CD320: variants seen among roughly 807,000 people sequenced by gnomAD.
The protein encoded by CD320 is CD320 antigen.
A neutral mutation model predicts 22.1 loss-of-function variants in CD320; 16 were observed. The ratio of observed to expected loss-of-function variants is 0.73; its 90% CI spans 0.49 to 1.10. CD320 has a LOEUF of 1.10. Ranked by LOEUF, CD320 falls within the 50% of genes least tolerant of loss-of-function variation. The pLI is 0.00. For synonymous variants in CD320, 188 were observed against 167.8 expected (o/e 1.12, Z -0.93); for missense variants, 388 against 376.9 (o/e 1.03, Z -0.24).
Position 8,308,095 on chromosome 19 carries a change from G to T in CD320, c.142+54C>A, listed in dbSNP as rs1409601957. On this transcript the variant is annotated intron_variant, in intron 1 of 4. Transcript: ENST00000301458. ...TGACTAGGCGTTGTCGGTGCGCGGC[G>T]GCGGGGCGAAGCCTCGCGAGGGGTG... is the stretch of plus-strand genomic sequence containing the variant. 6 of 1,414,432 alleles carry T rather than the reference G, an allele frequency of 4.2e-6. No homozygotes were observed. The Admixed American group carries it at 1.2e-4, about 28-fold the overall frequency. The allele number at this position is 1,414,432 out of a possible 1,614,324, so 87.6% of individuals were successfully genotyped here.
chr19:8,302,890 GT>G lies in CD320; in HGVS notation c.592del (p.Thr198ProfsTer6). 1.9e-6 allele frequency: 3 copies of G among 1,614,072 alleles called. No individual in the cohort carries two copies. Among genetic ancestry groups the G allele is most frequent in the Non-Finnish European group, 2.5e-6 (3 of 1,179,954 alleles). On this transcript the variant is annotated frameshift_variant, in exon 4 of 5. Transcript: ENST00000301458. LOFTEE classifies it high-confidence loss of function. ...CTCCAGGGTCACAGGGGGCCCCATG[GT>G]TGTGGCATTCCTGAGAGAGGTGACA... ...ESVTSLRNAT[T>X]MGPPVTLESV...
rs748020753 is a variant in CD320 at position 8,305,097 on chromosome 19, C to A, written c.202G>T (p.Val68Leu). Reference protein sequence around the residue: ...KFQCRTSGLCVPLTWRCDRDL... With the variant: ...KFQCRTSGLCLPLTWRCDRDL... ...CTGTCGCAGCGCCAGGTGAGGGGCA[C>A]GCATAAGCCACTGGTGCGGCACTGG... Residue 68 changes from valine to leucine, a missense_variant, in exon 2 of 5, where the codon GTG becomes TTG. Transcript: ENST00000301458. 2 of 1,613,136 alleles carry A rather than the reference C, an allele frequency of 1.2e-6. No individual in the cohort carries two copies. Among genetic ancestry groups the A allele is most frequent in the African/African-American group, 2.7e-5 (2 of 75,058 alleles).
rs536086823 is a variant in CD320 at position 8,305,073 on chromosome 19, T to C, written c.226A>G (p.Arg76Gly). ...CTGCCATCGCTGCAGTCCAAGTCCC[T>C]GTCGCAGCGCCAGGTGAGGGGCACG... ...LCVPLTWRCD[R>G]DLDCSDGSDE... Residue 76 changes from arginine (R) to glycine (G), a missense_variant, in exon 2 of 5, where the codon AGG becomes GGG. Physicochemically the swap from Arg to Gly is moderately radical, Grantham distance 125. Transcript: ENST00000301458. 1.9e-6 allele frequency: 3 copies of C among 1,612,286 alleles called. No homozygotes were observed. Among genetic ancestry groups the C allele is most frequent in the Non-Finnish European group, 2.5e-6 (3 of 1,179,914 alleles).
intron 1 of CD320, among the ~76,000 whole-genome samples, chr19:8,306,519 C>T (rs1297003909): frequency 2.6e-5 from 4 of 152,156 alleles, no homozygotes; most frequent in East Asian, 1.9e-4. Context: ...CTCCTGGGTG[C>T]GGCCAGGGGA....
rs773909275 is a variant in CD320 at position 8,302,266 on chromosome 19, C to T, written c.*197G>A. The T allele has an allele frequency of 2.8e-5, 21 of 741,522 alleles. 1 individual carries two copies. The highest frequency in any genetic ancestry group is 2.0e-4 in the South Asian group (14 of 68,384). The allele number at this position is 741,522 out of a possible 1,614,324, so 45.9% of individuals were successfully genotyped here. On this transcript the variant is annotated 3_prime_UTR_variant, in exon 5 of 5. Transcript: ENST00000301458. Reference sequence around the variant, plus strand: ...GTGGCAGGTTCCCCATCCTAGCTCCCCGGATCTCCATAGGGAGTGTCCAGG... The same window carrying T: ...GTGGCAGGTTCCCCATCCTAGCTCCTCGGATCTCCATAGGGAGTGTCCAGG...
At chr19:8,306,743 G>A (rs997656702) in intron 1 of CD320, among the ~76,000 whole-genome samples, 3 of 152,088 alleles carry the variant, frequency 2.0e-5, no homozygotes, top group Non-Finnish European at 4.4e-5. Context: ...TTCCTTCCCC[G>A]CCCCCGGGAG....
At chr19:8,308,072 A>C in intron 1 of CD320, 77 bp downstream of exon 1, 2 of 1,342,694 alleles carry the variant, frequency 1.5e-6, no homozygotes, top group Non-Finnish European at 1.9e-6. Context: ...GCAGCCAGTG[A>C]CTAGGCGTTG....
At chr19:8,308,118 G>T in intron 1 of CD320, 31 bp downstream of exon 1, 1 of 1,467,768 alleles carries the variant, frequency 6.8e-7, no homozygotes, top group Non-Finnish European at 8.9e-7. Context: ...CTCGCGAGGG[G>T]TGGGAGCCCG....
chr19:8,304,658 T>C (rs1384511193), intron 2 of CD320: 1 of 247,084 alleles, frequency 4.0e-6, no homozygotes, highest in East Asian at 1.0e-4. Flanking sequence ...CCTCTCTCTT[T>C]CCTTCCTTTC....
intron 3 of CD320, among the ~76,000 whole-genome samples, chr19:8,303,544 C>T (rs1441291439): frequency 6.6e-6 from 1 of 152,162 alleles, no homozygotes; most frequent in Admixed American, 6.6e-5. Context: ...TCCTGAGTAG[C>T]TCGGATTACA....
chr19:8,304,009 G>A lies in CD320; in HGVS notation c.348C>T (p.Cys116=). Residue 116 remains cysteine, a synonymous_variant, in exon 3 of 5, where the codon TGC becomes TGT. Coordinates refer to ENST00000301458, the MANE Select transcript of CD320 (RefSeq NM_016579.4). The part of the protein sequence containing the change: ...LPCPCTGVSD[C]SGGTDKKLRN... The stretch of plus-strand genomic sequence containing the variant: ...GCAGTTTCTTGTCAGTTCCCCCAGA[G>A]CAGTCACTGACGCCGGTGCAGGGGC... The A allele has an allele frequency of 6.4e-7, 1 of 1,569,030 alleles. No individual in the cohort carries two copies. The highest frequency in any genetic ancestry group is 8.6e-7 in the Non-Finnish European group (1 of 1,156,900).
Position 8,305,379 on chromosome 19 carries a change from G to A in CD320, c.143-223C>T, listed in dbSNP as rs1463531628. On this transcript the variant is annotated intron_variant, in intron 1 of 4. Transcript: ENST00000301458. ...TGGGCAGGTGCTACTGCACTCCCCA[G>A]GTTACAGAGAAAGGAACCAAGAGGA... The A allele has an allele frequency of 2.8e-5, 14 of 505,032 alleles. No homozygotes were observed. In the Admixed American group the frequency reaches 3.5e-4, roughly 13 times the overall value. The allele number at this position is 505,032 out of a possible 1,614,324, so 31.3% of individuals were successfully genotyped here. A position where few individuals can be genotyped will look rare whatever the true frequency, so the allele number is the denominator to read the frequency against.
chr19:8,304,045 A>C lies in CD320; in HGVS notation c.312T>G (p.Pro104=), dbSNP rs1970051250. The change falls in exon 3 of 5, where the codon CCT becomes CCG. Residue 104 remains proline (P), a synonymous_variant. Transcript: ENST00000301458. ...CTQKGQCPPP[P]GLPCPCTGVS... ...CGCCGGTGCAGGGGCAGGGGAGGCC[A>C]GGGGGCGGTGGGCATTGCCCTTTCT... 1 of 1,558,124 alleles carries C rather than the reference A, an allele frequency of 6.4e-7. No individual in the cohort carries two copies. Among genetic ancestry groups the C allele is most frequent in the Non-Finnish European group, 8.7e-7 (1 of 1,149,912 alleles).
chr19:8,307,845 T>C (rs938469591), intron 1 of CD320, among the ~76,000 whole-genome samples: 2 of 152,032 alleles, frequency 1.3e-5, no homozygotes, highest in Non-Finnish European at 2.9e-5. Context: ...CTGACCACGC[T>C]GGTATGAAGG....
In CD320 at chr19:8,308,327, G is replaced by A; in HGVS notation, c.-37C>T. ...AGCGGCGCCGGCCACGCGCTGTCCAGACCGCTCTCTTATCCCTGCGCACGC... is the reference window on the plus strand; with the variant it reads ...AGCGGCGCCGGCCACGCGCTGTCCAAACCGCTCTCTTATCCCTGCGCACGC... On this transcript the variant is annotated 5_prime_UTR_variant, in exon 1 of 5. Transcript: ENST00000301458. 5 of 1,576,396 alleles carry A rather than the reference G, an allele frequency of 3.2e-6. No individual in the cohort carries two copies. Among genetic ancestry groups the A allele is most frequent in the South Asian group, 2.3e-5 (2 of 87,794 alleles).
At position 8,303,992 on chromosome 19, in the gene CD320, T is replaced by C; in HGVS notation, c.365A>G (p.Lys122Arg). ...CAGGCGGCTGCAGTTGCGCAGTTTC[T>C]TGTCAGTTCCCCCAGAGCAGTCACT... ...GVSDCSGGTD[K>R]KLRNCSRLAC... is the part of the protein sequence containing the mutation. The change falls in exon 3 of 5, where the codon AAG becomes AGG. Residue 122 changes from lysine to arginine, a missense_variant. Transcript: ENST00000301458. The C allele has an allele frequency of 6.4e-7, 1 of 1,573,200 alleles. No individual in the cohort carries two copies. The highest frequency in any genetic ancestry group is 8.6e-7 in the Non-Finnish European group (1 of 1,159,384).
chr19:8,303,966 C>A lies in CD320; in HGVS notation c.391G>T (p.Ala131Ser). 1 of 1,584,640 alleles carries A rather than the reference C, an allele frequency of 6.3e-7. No individual in the cohort carries two copies. Among genetic ancestry groups the A allele is most frequent in the East Asian group, 2.3e-5 (1 of 43,176 alleles). Reference protein sequence around the residue: ...DKKLRNCSRLACLAGELRCTL... With the variant: ...DKKLRNCSRLSCLAGELRCTL... ...CAACGGAGCTCGCCTGCTAGGCAGG[C>A]CAGGCGGCTGCAGTTGCGCAGTTTC... Residue 131 changes from alanine to serine, a missense_variant, in exon 3 of 5, where the codon GCC (alanine) becomes TCC (serine). Physicochemically the swap from Ala to Ser is moderately conservative, Grantham distance 99. Transcript: ENST00000301458.
intron 4 of CD320, 76 bp from the exon 5 acceptor site, chr19:8,302,681 T>C (rs906686389): frequency 5.6e-6 from 9 of 1,605,550 alleles, no homozygotes; most frequent in Admixed American, 1.7e-5. Flanking sequence ...TCCATACACA[T>C]GGGGATGGGA....
intron 1 of CD320, chr19:8,305,684 C>T (rs143481797): frequency 2.6e-3 from 400 of 153,640 alleles, no homozygotes; most frequent in Non-Finnish European, 4.7e-3. Flanking sequence ...CCAGCCTGGG[C>T]GACAGAACGA....
Sources: allele counts gnomAD v4.1 joint callset (sites outside exome capture counted in the v4.1 genomes callset), GRCh38; gene constraint gnomAD v4.1.1; transcripts MANE v1.5; gene names NCBI Gene and HGNC (gene_info 2026-07-23, HGNC 2026-07-21).